POU6F2: variants seen among roughly 807,000 people sequenced by gnomAD.
POU6F2 encodes the protein POU class 6 homeobox 2.
A neutral mutation model predicts 71.3 loss-of-function variants in POU6F2; 31 were observed. The observed-to-expected ratio is 0.43, with a 90% confidence interval of 0.33 to 0.59. The LOEUF is 0.59. Among genes scored for constraint, POU6F2 ranks in the 20% least tolerant of loss-of-function variants. The pLI, the probability that POU6F2 is intolerant of heterozygous loss-of-function variation, is 0.04. For synonymous variants in POU6F2, 347 were observed against 355.7 expected, an observed-to-expected ratio of 0.98 and a Z score of 0.27; for missense variants, 783 against 856.8, an observed-to-expected ratio of 0.91 and a Z score of 1.07.
At chr7:39,207,259 T>A (rs1584601825) in intron 3 of POU6F2, 133 bp from the exon 4 acceptor site, 3 of 722,766 alleles carry the variant, frequency 4.2e-6, no homozygotes, top group Middle Eastern at 3.0e-4. Context: ...CATTTTTTTT[T>A]AATGAGATAG....
intron 2 of POU6F2, among the ~76,000 whole-genome samples, chr7:39,134,600 G>T (rs1343690689): frequency 3.3e-5 from 5 of 152,138 alleles, no homozygotes; most frequent in Non-Finnish European, 7.3e-5. Context: ...TGTATCTATA[G>T]CTCAAAGTCC....
chr7:39,341,594 G>A (rs1463181157), intron 5 of POU6F2, among the ~76,000 whole-genome samples: 2 of 152,142 alleles, frequency 1.3e-5, no homozygotes, highest in African/African-American at 4.8e-5. Context: ...TACATTAGAT[G>A]TACCTATATA....
chr7:39,315,667 C>T (rs1251341219), intron 4 of POU6F2, among the ~76,000 whole-genome samples: 3 of 152,162 alleles, frequency 2.0e-5, no homozygotes, highest in Non-Finnish European at 2.9e-5. Flanking sequence ...CAAACTCTCC[C>T]ACTTATCCCA....
chr7:39,408,106 G>GGGTATTGGTGT (rs1469027486), intron 6 of POU6F2, among the ~76,000 whole-genome samples: 1 of 152,288 alleles, frequency 6.6e-6, no homozygotes, highest in East Asian at 1.9e-4. Flanking sequence ...TGGTGTAGAG[G>GGGTATTGGTGT]AAAAGTTGGT....
intron 4 of POU6F2, among the ~76,000 whole-genome samples, chr7:39,299,541 T>C (rs1384923272): frequency 1.3e-5 from 2 of 152,188 alleles, no homozygotes; most frequent in Non-Finnish European, 2.9e-5. Context: ...AAATCCTCCC[T>C]GCCCAGCAGA....
At chr7:39,088,897 G>C (rs4573153) in intron 2 of POU6F2, among the ~76,000 whole-genome samples, 15 of 152,002 alleles carry the variant, frequency 9.9e-5, no homozygotes, top group Non-Finnish European at 1.5e-4. Flanking sequence ...TGCAGGAGAA[G>C]GGCTAATACT....
intron 2 of POU6F2, among the ~76,000 whole-genome samples, chr7:39,122,704 ATT>A (rs1199309217): frequency 2.9e-4 from 34 of 117,118 alleles, no homozygotes; most frequent in South Asian, 1.1e-3. Flanking sequence ...ATGCATGCCT[ATT>A]TTTTTTTTTT....
At chr7:39,103,781 T>C (rs923957054) in intron 2 of POU6F2, among the ~76,000 whole-genome samples, 3 of 152,194 alleles carry the variant, frequency 2.0e-5, no homozygotes, top group African/African-American at 7.2e-5. Flanking sequence ...GGCGAACCCC[T>C]GTACTGGTAT....
intron 5 of POU6F2, among the ~76,000 whole-genome samples, chr7:39,366,792 G>C (rs1786510737): frequency 6.6e-6 from 1 of 152,164 alleles, no homozygotes; most frequent in African/African-American, 2.4e-5. Context: ...GGTCTCAGGA[G>C]TTGGGGAGGC....
rs747165081 is a variant in POU6F2, at chr7:39,339,768, C to T, written c.725C>T (p.Ser242Leu). Residue 242 changes from serine (S) to leucine (L), a missense_variant, in exon 5 of 10, where the codon TCG (serine) becomes TTG (leucine). Transcript: ENST00000518318. Reference sequence around the variant, plus strand: ...CCGCAACCAGCCCCACAGGCGCCCTCGCAGTCCCAGCAGCAGCCGCTGCAG... The same window carrying T: ...CCGCAACCAGCCCCACAGGCGCCCTTGCAGTCCCAGCAGCAGCCGCTGCAG... ...QHPQPAPQAP[S>L]QSQQQPLQPT... 3.5e-5 allele frequency: 56 copies of T among 1,586,478 alleles called. 2 individuals carry two copies. The East Asian group carries it at 4.6e-4, about 13-fold the overall frequency.
At chr7:39,068,825 T>C (rs777752435) in intron 1 of POU6F2, among the ~76,000 whole-genome samples, 3 of 152,158 alleles carry the variant, frequency 2.0e-5, no homozygotes, top group Non-Finnish European at 2.9e-5. Context: ...TCAGAATATA[T>C]CTTTAGGATA....
intron 2 of POU6F2, among the ~76,000 whole-genome samples, chr7:39,120,450 A>G (rs1341360957): frequency 6.6e-6 from 1 of 152,226 alleles, no homozygotes; most frequent in African/African-American, 2.4e-5. Flanking sequence ...CCAATACTAC[A>G]CATAATATAT....
chr7:39,000,999 C>A (rs556655610), intron 1 of POU6F2, among the ~76,000 whole-genome samples: 1 of 152,230 alleles, frequency 6.6e-6, no homozygotes, highest in East Asian at 1.9e-4. Context: ...AGTTTCATGG[C>A]ATTACAGTAT....
intron 1 of POU6F2, among the ~76,000 whole-genome samples, chr7:39,000,576 T>G (rs1177843801): frequency 6.7e-6 from 1 of 149,222 alleles, no homozygotes; most frequent in African/African-American, 2.5e-5. Flanking sequence ...CCCTCCCAAC[T>G]TACAATGAGA....
chr7:39,201,171 G>A (rs1176273969), intron 2 of POU6F2, among the ~76,000 whole-genome samples: 2 of 152,160 alleles, frequency 1.3e-5, no homozygotes, highest in Non-Finnish European at 2.9e-5. Context: ...GCTGTGAGAG[G>A]GGTACTGTTG....
intron 5 of POU6F2, among the ~76,000 whole-genome samples, chr7:39,363,166 C>T (rs76067549): frequency 0.11 from 16,977 of 152,064 alleles, 1,204 homozygotes; most frequent in Non-Finnish European, 0.15. Flanking sequence ...CCATGTTGTA[C>T]GTGGTGGAGA....
intron 4 of POU6F2, among the ~76,000 whole-genome samples, chr7:39,291,864 C>A (rs887098743): frequency 1.3e-5 from 2 of 151,942 alleles, no homozygotes; most frequent in South Asian, 4.2e-4. Context: ...TGACCCTTGA[C>A]AATCAATCTT....
At chr7:39,323,524 G>T (rs972471651) in intron 4 of POU6F2, among the ~76,000 whole-genome samples, 3 of 152,134 alleles carry the variant, frequency 2.0e-5, no homozygotes, top group Non-Finnish European at 4.4e-5. Context: ...TCTACCTCTG[G>T]ACTAGAAGTG....
At chr7:39,273,629 G>T (rs1784378768) in intron 4 of POU6F2, among the ~76,000 whole-genome samples, 1 of 151,816 alleles carries the variant, frequency 6.6e-6, no homozygotes, top group Admixed American at 6.6e-5. Flanking sequence ...GCACAAAGAG[G>T]ATGTCAATGG....
Sources: gnomAD v4.1 joint callset for allele counts (sites outside exome capture counted in the v4.1 genomes callset) on GRCh38, gnomAD v4.1.1 for gene constraint, MANE v1.5 for transcripts, NCBI Gene and HGNC (gene_info 2026-07-23, HGNC 2026-07-21) for gene names.